The following KAZN variants were observed in gnomAD, a reference collection of about 807,000 sequenced individuals.
The protein encoded by KAZN is kazrin, periplakin interacting protein, also known as kazrin.
KAZN carries 40 observed loss-of-function variants against 87.4 expected under a neutral mutation model. That is an observed-to-expected ratio of 0.46 (90% CI 0.36 to 0.60). The LOEUF is 0.60. Ranked by LOEUF, KAZN falls within the 20% of genes least tolerant of loss-of-function variation. The pLI, the probability that KAZN is intolerant of heterozygous loss-of-function variation, is 0.00. For synonymous variants in KAZN, 466 were observed against 458.3 expected (o/e 1.02, Z -0.22); for missense variants, 898 against 1,073.9 (o/e 0.84, Z 2.29).
chr1:14,740,992 C>T (rs1383557692), intron 1 of KAZN, among the ~76,000 whole-genome samples: 1 of 152,176 alleles, frequency 6.6e-6, no homozygotes, highest in East Asian at 1.9e-4. Flanking sequence ...TGGGAAGGAG[C>T]TCTGTGCTTT....
intron 1 of KAZN, among the ~76,000 whole-genome samples, chr1:14,049,115 A>C (rs12026672): frequency 0.79 from 119,928 of 151,984 alleles, 47,819 homozygotes; most frequent in African/African-American, 0.9. Context: ...CACATATACA[A>C]CATGGAATAC....
intron 1 of KAZN, among the ~76,000 whole-genome samples, chr1:13,912,834 G>C (rs774255432): frequency 1.0e-5 from 1 of 97,878 alleles, no homozygotes; most frequent in Non-Finnish European, 2.7e-5. Flanking sequence ...GACCTCAGGT[G>C]ATCTACCTAC....
chr1:14,706,094 G>T (rs955557527), intron 1 of KAZN, among the ~76,000 whole-genome samples: 3 of 152,156 alleles, frequency 2.0e-5, no homozygotes, highest in African/African-American at 7.2e-5. Flanking sequence ...AACTGTGCAT[G>T]CAAGGGATCT....
intron 1 of KAZN, among the ~76,000 whole-genome samples, chr1:14,825,987 G>T (rs963715875): frequency 6.6e-6 from 1 of 152,206 alleles, no homozygotes; most frequent in Non-Finnish European, 1.5e-5. Context: ...TGGACAGCTG[G>T]CTGAATGGTA....
At chr1:14,955,287 G>A (rs1281798589) in intron 1 of KAZN, among the ~76,000 whole-genome samples, 7 of 152,230 alleles carry the variant, frequency 4.6e-5, no homozygotes, top group African/African-American at 9.6e-5. Context: ...ACATGTAAGC[G>A]CTTTACGCAT....
rs532725389 is a variant in KAZN, at chr1:13,930,613, C to T, written c.91+36857C>T. On this transcript the variant is annotated intron_variant, in intron 1 of 16. Coordinates refer to the KAZN transcript ENST00000636203. ...GACACAGACCCAGTCCTCATAAATC[C>T]CAGTCTTATGGGGGAGTTGGTTAAT... 5.3e-4 allele frequency among the ~76,000 whole-genome samples: 80 copies of T among 152,186 alleles called. 1 individual carries two copies. Among genetic ancestry groups the T allele is most frequent in the African/African-American group, 1.9e-3 (78 of 41,498 alleles).
chr1:14,519,803 T>C (rs760170715), intron 2 of KAZN, among the ~76,000 whole-genome samples: 2 of 152,064 alleles, frequency 1.3e-5, no homozygotes, highest in Admixed American at 6.5e-5. Context: ...GTCCCATGTG[T>C]CTGGCATGAC....
chr1:14,136,297 G>T (rs1314840654), intron 1 of KAZN, among the ~76,000 whole-genome samples: 1 of 152,084 alleles, frequency 6.6e-6, no homozygotes, highest in Non-Finnish European at 1.5e-5. Flanking sequence ...GTGACCTTGG[G>T]TAAACTATTT....
At chr1:13,906,552 G>A (rs138072624) in intron 1 of KAZN, among the ~76,000 whole-genome samples, 293 of 152,288 alleles carry the variant, frequency 1.9e-3, no homozygotes, top group African/African-American at 6.6e-3. Context: ...GCCTCTTCCC[G>A]TTCTTCTGGC....
chr1:14,211,769 A>T (rs1646857743), intron 2 of KAZN, among the ~76,000 whole-genome samples: 1 of 152,170 alleles, frequency 6.6e-6, no homozygotes, highest in African/African-American at 2.4e-5. Context: ...CTTCTCTCCT[A>T]CAAAATTTTC....
chr1:14,341,943 T>A (rs1185580762), intron 2 of KAZN, among the ~76,000 whole-genome samples: 1 of 152,214 alleles, frequency 6.6e-6, no homozygotes, highest in African/African-American at 2.4e-5. Context: ...TTAAGCCTAG[T>A]ACCCATTAGT....
At chr1:14,831,065 G>A (rs1407461815) in intron 1 of KAZN, among the ~76,000 whole-genome samples, 1 of 152,164 alleles carries the variant, frequency 6.6e-6, no homozygotes, top group East Asian at 1.9e-4. Flanking sequence ...TCACCATGTT[G>A]GCCAGGCTGG....
chr1:14,273,560 TTTATATTCAAAGCTTAGCCCAGAA>T (rs1333422443), intron 2 of KAZN, among the ~76,000 whole-genome samples: 1 of 152,152 alleles, frequency 6.6e-6, no homozygotes, highest in Non-Finnish European at 1.5e-5. Context: ...AAATATACAG[TTTATATTCAAAGCTTAGCCCAGAA>T]TTAATGGCAA....
intron 2 of KAZN, among the ~76,000 whole-genome samples, chr1:14,221,123 G>A (rs890939908): frequency 1.3e-5 from 2 of 152,062 alleles, no homozygotes; most frequent in South Asian, 4.2e-4. Context: ...TAGCCCTGAG[G>A]ATGTAATCAC....
chr1:14,602,450 G>A (rs563892237), intron 1 of KAZN, among the ~76,000 whole-genome samples: 3 of 152,136 alleles, frequency 2.0e-5, no homozygotes, highest in African/African-American at 2.4e-5. Flanking sequence ...GTGGGGTCAC[G>A]GCAGCCTTTG....
chr1:14,982,895 G>A (rs1666404378), intron 2 of KAZN, among the ~76,000 whole-genome samples: 1 of 152,210 alleles, frequency 6.6e-6, no homozygotes, highest in Non-Finnish European at 1.5e-5. Context: ...GCTGACCAAG[G>A]AGACAGAGGT....
intron 2 of KAZN, among the ~76,000 whole-genome samples, chr1:14,997,940 G>A (rs920130499): frequency 2.0e-5 from 3 of 152,348 alleles, no homozygotes; most frequent in South Asian, 4.1e-4. Context: ...TCCAACTCAT[G>A]TATGTGAGGA....
rs1336936531 is a variant in KAZN at position 14,757,205 on chromosome 1, GT to G, written c.226+157989del. On this transcript the variant is annotated intron_variant, in intron 1 of 14. Coordinates refer to ENST00000376030, the MANE Select transcript of KAZN (RefSeq NM_201628.3). Reference sequence around the variant, plus strand: ...AGGAAATTAATAGTTACAATATATGGTTTTTTTCAGTGTTCACAAAGTGTAC... The same window carrying G: ...AGGAAATTAATAGTTACAATATATGGTTTTTTCAGTGTTCACAAAGTGTAC... 2.0e-5 allele frequency among the ~76,000 whole-genome samples: 3 copies of G among 152,148 alleles called. No individual in the cohort carries two copies. The East Asian group carries it at 5.8e-4, about 29-fold the overall frequency.
chr1:14,011,766 T>A (rs1055981415), intron 1 of KAZN, among the ~76,000 whole-genome samples: 4 of 152,178 alleles, frequency 2.6e-5, no homozygotes, highest in African/African-American at 9.7e-5. Flanking sequence ...ACTTACTTCA[T>A]AGAATTGTTG....
Sources: gnomAD v4.1 joint callset for allele counts (sites outside exome capture counted in the v4.1 genomes callset) on GRCh38, gnomAD v4.1.1 for gene constraint, MANE v1.5 for transcripts, NCBI Gene and HGNC (gene_info 2026-07-23, HGNC 2026-07-21) for gene names.